Variants in HK3 observed in about 807,000 individuals in gnomAD.
HK3 encodes the protein hexokinase 3.
Under a neutral mutation model 91.0 loss-of-function variants are expected in HK3, and 93 were observed. That is an observed-to-expected ratio of 1.02 (90% CI 0.86 to 1.21). The LOEUF (loss-of-function observed/expected upper bound fraction) is 1.21. Ranked by LOEUF, HK3 falls within the 50% of genes most tolerant of loss-of-function variation. HK3 has a pLI of 0.00. For synonymous variants in HK3, 519 were observed against 516.9 expected, an observed-to-expected ratio of 1.00 and a Z score of -0.06; for missense variants, 1,235 against 1,247.4, an observed-to-expected ratio of 0.99 and a Z score of 0.15.
At position 176,884,283 on chromosome 5, in the gene HK3, T is replaced by C. The variant is rs937269797; in HGVS notation, c.1858-149A>G. 3.9e-5 allele frequency: 27 copies of C among 695,566 alleles called. No homozygotes were observed. The highest frequency in any genetic ancestry group is 3.2e-4 in the Middle Eastern group (1 of 3,166). 43.1% of individuals were successfully genotyped at this position (695,566 alleles called of 1,614,324 possible). A position where few individuals can be genotyped will look rare whatever the true frequency, so the allele number is the denominator to read the frequency against. On this transcript the variant is annotated intron_variant, in intron 13 of 18. Transcript: ENST00000292432. The surrounding 1 kb of genome is among the most constrained non-coding windows in gnomAD (Gnocchi z 4.1). ...CTACTTTGCTGTATGGTTGAAGGCC[T>C]TGCCCTCTGCCCGCTCCCTACTCCC...
intron 1 of HK3, 117 bp downstream of exon 1, chr5:176,899,150 G>A (rs2149379870): frequency 6.6e-6 from 1 of 152,364 alleles, no homozygotes; most frequent in East Asian, 1.9e-4. Context: ...AACAAAGAAA[G>A]AGAACCAGCT....
rs144507752 is a variant in HK3, at chr5:176,882,078, G to A, written c.2103C>T (p.Gly701=). ...CYMEELRNVA[G]VPGDSGRMCI... ...ACATGCGGCCTGAGTCCCCAGGCACGCCCGCCACATTCCGGAGCTCCTCCA... is the reference window on the plus strand; with the variant it reads ...ACATGCGGCCTGAGTCCCCAGGCACACCCGCCACATTCCGGAGCTCCTCCA... The change falls in exon 16 of 19, where the codon GGC becomes GGT. Residue 701 remains glycine, a synonymous_variant. Coordinates refer to ENST00000292432, the MANE Select transcript of HK3 (RefSeq NM_002115.3). The A allele has an allele frequency of 2.5e-5, 41 of 1,612,170 alleles. No homozygotes were observed. The African/African-American group carries it at 2.9e-4, about 12-fold the overall frequency.
In HK3 at chr5:176,888,859, T is replaced by C. The variant is rs143667449; in HGVS notation, c.920A>G (p.Glu307Gly). The C allele has an allele frequency of 3.1e-6, 5 of 1,613,574 alleles. No homozygotes were observed. The African/African-American group carries it at 6.7e-5, about 22-fold the overall frequency. ...ESLNPGAQRF[E>G]KMIGGLYLGE... is the part of the protein sequence containing the mutation. Reference sequence around the variant, plus strand: ...CAGGTACAGGCCTCCGATCATCTTCTCAAACCTGCAGGGGGGAAGGGTGGC... The same window carrying C: ...CAGGTACAGGCCTCCGATCATCTTCCCAAACCTGCAGGGGGGAAGGGTGGC... The change falls in exon 9 of 19, where the codon GAG (glutamate) becomes GGG (glycine). Residue 307 changes from glutamate (E) to glycine (G), a missense_variant. This residue lies in a region of HK3 where 717 missense variants were observed against 751.6 expected (regional missense o/e 0.95). Transcript: ENST00000292432.
Position 176,887,712 on chromosome 5 carries a change from G to A in HK3, c.1339C>T (p.Leu447=). 6.2e-7 allele frequency: 1 copy of A among 1,612,988 alleles called. No individual in the cohort carries two copies. The highest frequency in any genetic ancestry group is 8.5e-7 in the Non-Finnish European group (1 of 1,179,190). Reference sequence around the variant, plus strand: ...AAGGAGACATCGCATTCCGGGGCCAGGAGCATCACTGTCCCCTGCAGGACG... The same window carrying A: ...AAGGAGACATCGCATTCCGGGGCCAAGAGCATCACTGTCCCCTGCAGGACG... ...CSVLQGTVML[L]APECDVSLIP... The change falls in exon 11 of 19, where the codon CTG becomes TTG. Residue 447 remains leucine (L), a synonymous_variant. Transcript: ENST00000292432. The surrounding 1 kb of genome is among the most constrained non-coding windows in gnomAD (Gnocchi z 4.9).
chr5:176,897,580 T>G (rs1174056390), intron 1 of HK3, among the ~76,000 whole-genome samples: 1 of 152,182 alleles, frequency 6.6e-6, no homozygotes, highest in Non-Finnish European at 1.5e-5. Flanking sequence ...AGCCTTTTCC[T>G]CAGTCCCCAC....
intron 14 of HK3, 50 bp downstream of exon 14, chr5:176,883,989 C>G (rs754956710): frequency 6.3e-7 from 1 of 1,594,414 alleles, no homozygotes. Flanking sequence ...ACTCTTTGCT[C>G]CCCTCAAGGC....
In HK3 at chr5:176,889,717, C is replaced by T; in HGVS notation, c.658G>A (p.Val220Met). 6.2e-7 allele frequency: 1 copy of T among 1,614,118 alleles called. No homozygotes were observed. Among genetic ancestry groups the T allele is most frequent in the Non-Finnish European group, 8.5e-7 (1 of 1,180,050 alleles). Residue 220 changes from valine (V) to methionine (M), a missense_variant, in exon 7 of 19, where the codon GTG becomes ATG. By Grantham distance (21) the Val-to-Met change is conservative (BLOSUM62 1). Around this residue, in one of 3 missense-constraint regions of HK3, gnomAD observed 717 missense variants for 751.6 expected, o/e 0.95. Coordinates refer to ENST00000292432, the MANE Select transcript of HK3 (RefSeq NM_002115.3). ...GAYNIDVVAV[V>M]NDTVGTMMGC... ...ATCATGGTGCCCACTGTGTCGTTCA[C>T]CACAGCAACCACGTCGATGTTGTAG...
chr5:176,887,770 C>A lies in HK3; in HGVS notation c.1305-24G>T. On this transcript the variant is annotated intron_variant, in intron 10 of 18. Transcript: ENST00000292432. The surrounding 1 kb of genome is among the most constrained non-coding windows in gnomAD (Gnocchi z 4.9). ...ACCTACAGATACATACAGGTGCACC[C>A]GGCTTGGCCCTGGACCCCCAGACAC... 1 of 1,579,332 alleles carries A rather than the reference C, an allele frequency of 6.3e-7. No individual in the cohort carries two copies. Among genetic ancestry groups the A allele is most frequent in the Non-Finnish European group, 8.6e-7 (1 of 1,158,584 alleles).
chr5:176,883,990 C>T, intron 14 of HK3, 49 bp downstream of exon 14: 1 of 1,593,430 alleles, frequency 6.3e-7, no homozygotes, highest in Non-Finnish European at 8.6e-7. Flanking sequence ...CTCTTTGCTC[C>T]CCTCAAGGCC....
chr5:176,886,369 CA>C (rs1389055764), intron 13 of HK3, among the ~76,000 whole-genome samples: 1 of 151,798 alleles, frequency 6.6e-6, no homozygotes, highest in East Asian at 1.9e-4. Flanking sequence ...CTGTTGCCTT[CA>C]GGGGCAGTGA....
intron 1 of HK3, among the ~76,000 whole-genome samples, 199 bp from the exon 2 acceptor site, chr5:176,896,384 C>A (rs1047685340): frequency 6.6e-6 from 1 of 152,200 alleles, no homozygotes; most frequent in Non-Finnish European, 1.5e-5. Flanking sequence ...AATGAGAGAG[C>A]ACTGGAAAGG....
In HK3 at chr5:176,889,840, G is replaced by C. The variant is rs139523172; in HGVS notation, c.631-96C>G. On this transcript the variant is annotated intron_variant, in intron 6 of 18. Coordinates refer to ENST00000292432, the MANE Select transcript of HK3 (RefSeq NM_002115.3). ...GGGCTGGGGCCCTGGCTTTGAAGGA[G>C]ATACATAGAGTCCATGAAACACATG... 159 of 932,948 alleles carry C rather than the reference G, an allele frequency of 1.7e-4. 1 individual carries two copies. In the African/African-American group the frequency reaches 2.2e-3, roughly 13 times the overall value. 57.8% of individuals were successfully genotyped at this position (932,948 alleles called of 1,614,324 possible).
At chr5:176,888,997 A>G (rs114436672) in intron 8 of HK3, 133 bp from the exon 9 acceptor site, 20,184 of 988,416 alleles carry the variant, frequency 0.02, 240 homozygotes, top group Middle Eastern at 0.038. Context: ...AGCAACGAAT[A>G]GCCTCCCAGA....
intron 8 of HK3, 131 bp from the exon 9 acceptor site, chr5:176,888,995 A>C: frequency 9.7e-7 from 1 of 1,026,686 alleles, no homozygotes; most frequent in Non-Finnish European, 1.4e-6. Flanking sequence ...GAAGCAACGA[A>C]TAGCCTCCCA....
Position 176,883,839 on chromosome 5 carries a change from T to G in HK3, c.1984A>C (p.Asn662His). The G allele has an allele frequency of 6.2e-7, 1 of 1,614,066 alleles. No individual in the cohort carries two copies. The highest frequency in any genetic ancestry group is 8.5e-7 in the Non-Finnish European group (1 of 1,180,010). ...GACATCATGGTCCCCACCGTGTCAT[T>G]GACAATGGCAACCACATTCAGCTCC... The part of the protein sequence containing the change: ...AVELNVVAIV[N>H]DTVGTMMSCG... The change falls in exon 15 of 19, where the codon AAT (asparagine) becomes CAT (histidine). Residue 662 changes from asparagine (N) to histidine (H), a missense_variant. Coordinates refer to ENST00000292432, the MANE Select transcript of HK3 (RefSeq NM_002115.3).
intron 9 of HK3, 33 bp from the exon 10 acceptor site, chr5:176,888,598 G>A: frequency 6.3e-7 from 1 of 1,599,460 alleles, no homozygotes; most frequent in Non-Finnish European, 8.5e-7. Context: ...TTGGGGCTCA[G>A]CCCAGAAGCT....
At chr5:176,892,410 G>A (rs1200604621) in intron 2 of HK3, among the ~76,000 whole-genome samples, 1 of 152,202 alleles carries the variant, frequency 6.6e-6, no homozygotes, top group Non-Finnish European at 1.5e-5. Context: ...TGATCCGGGA[G>A]TGGATCGGAG....
At chr5:176,895,719 A>G (rs1758895588) in intron 2 of HK3, among the ~76,000 whole-genome samples, 1 of 152,178 alleles carries the variant, frequency 6.6e-6, no homozygotes, top group Non-Finnish European at 1.5e-5. Context: ...AACCCTGAGA[A>G]AGTCCACTCT....
intron 2 of HK3, among the ~76,000 whole-genome samples, chr5:176,895,138 C>G (rs372901946): frequency 0.042 from 5,738 of 136,896 alleles, 277 homozygotes; most frequent in Middle Eastern, 0.14. Flanking sequence ...GAGTGCACTG[C>G]CACAATTTTG....
Sources: gnomAD v4.1 joint callset for allele counts (sites outside exome capture counted in the v4.1 genomes callset) on GRCh38, gnomAD v4.1.1 for gene constraint, gnomAD v4.1.1 regional missense constraint, Gnocchi (gnomAD v3.1) non-coding constraint, MANE v1.5 for transcripts, NCBI Gene and HGNC (gene_info 2026-07-23, HGNC 2026-07-21) for gene names.